MACROD2: variants seen among roughly 807,000 people sequenced by gnomAD.
MACROD2 encodes the protein ADP-ribose glycohydrolase MACROD2.
Under a neutral mutation model 70.4 loss-of-function variants are expected in MACROD2, and 36 were observed. The observed-to-expected ratio is 0.51, with a 90% CI of 0.39 to 0.68. The LOEUF (loss-of-function observed/expected upper bound fraction) is 0.68, where lower values mean the gene tolerates loss of function less well. Ranked by LOEUF, MACROD2 falls within the 30% of genes least tolerant of loss-of-function variation. The pLI is 0.00. For missense variants in MACROD2, 496 were observed against 538.4 expected, an observed-to-expected ratio of 0.92 and a Z score of 0.78; for synonymous variants, 172 against 178.8, an observed-to-expected ratio of 0.96 and a Z score of 0.30.
chr20:15,282,701 C>A (rs1600193313), intron 6 of MACROD2, among the ~76,000 whole-genome samples: 1 of 152,178 alleles, frequency 6.6e-6, no homozygotes, highest in African/African-American at 2.4e-5. Context: ...TTCAACAAGT[C>A]TCTAGGAAGT....
chr20:14,028,176 G>T (rs535377446), intron 2 of MACROD2, among the ~76,000 whole-genome samples: 6 of 152,170 alleles, frequency 3.9e-5, no homozygotes, highest in African/African-American at 1.4e-4. Flanking sequence ...AGTGGACTCC[G>T]CCTAGTTTGA....
chr20:14,630,270 G>T (rs1600478345), intron 4 of MACROD2, among the ~76,000 whole-genome samples: 1 of 152,136 alleles, frequency 6.6e-6, no homozygotes, highest in Admixed American at 6.5e-5. Context: ...GAAAAAGCAA[G>T]AGAAATTTTT....
At chr20:15,462,429 A>G (rs2046831703) in intron 7 of MACROD2, among the ~76,000 whole-genome samples, 1 of 152,220 alleles carries the variant, frequency 6.6e-6, no homozygotes. Context: ...GTAATTGCAA[A>G]TAACGTGTAA....
At chr20:14,972,101 A>C (rs888539405) in intron 5 of MACROD2, among the ~76,000 whole-genome samples, 1 of 152,226 alleles carries the variant, frequency 6.6e-6, no homozygotes, top group Non-Finnish European at 1.5e-5. Context: ...CTTAACTCCT[A>C]TATCACTGGT....
At chr20:14,953,838 A>T (rs2122738349) in intron 5 of MACROD2, among the ~76,000 whole-genome samples, 1 of 152,122 alleles carries the variant, frequency 6.6e-6, no homozygotes, top group East Asian at 1.9e-4. Flanking sequence ...AGTTCACTGA[A>T]CTCTCTTGTC....
At chr20:15,782,480 C>G (rs2051850256) in intron 8 of MACROD2, among the ~76,000 whole-genome samples, 1 of 151,938 alleles carries the variant, frequency 6.6e-6, no homozygotes, top group Non-Finnish European at 1.5e-5. Context: ...GCAAGAATGG[C>G]CTTTCTCCAA....
chr20:15,864,178 A>G (rs2064461554), intron 9 of MACROD2, among the ~76,000 whole-genome samples: 1 of 152,100 alleles, frequency 6.6e-6, no homozygotes, highest in Non-Finnish European at 1.5e-5. Context: ...TTAGTTGTTG[A>G]GACGAGTTGA....
In MACROD2 at chr20:14,537,061, C is replaced by T. The variant is rs79862157; in HGVS notation, c.301+43553C>T. 8.9e-3 allele frequency among the ~76,000 whole-genome samples: 1,349 copies of T among 152,278 alleles called. 17 individuals carry two copies. The highest frequency in any genetic ancestry group is 0.031 in the African/African-American group (1,300 of 41,538). On this transcript the variant is annotated intron_variant, in intron 4 of 17. Coordinates refer to ENST00000684519, the MANE Select transcript of MACROD2 (RefSeq NM_001351661.2). ...AGCCTAGAGCTCTCCCTACTCCCTC[C>T]AACCCCCTTCCTTCTGTTTTCTGTT...
At chr20:14,205,826 A>G (rs1010493436) in intron 3 of MACROD2, among the ~76,000 whole-genome samples, 4 of 152,234 alleles carry the variant, frequency 2.6e-5, no homozygotes, top group Admixed American at 6.5e-5. Context: ...CCTCTCTGCT[A>G]TAGATCTATT....
intron 2 of MACROD2, chr20:14,053,029 A>G (rs375442019): frequency 2.0e-5 from 3 of 151,726 alleles, no homozygotes; most frequent in East Asian, 3.9e-4. Flanking sequence ...TTCAGTGAAA[A>G]TAAGTAATGT....
At chr20:14,653,017 C>G (rs1364547124) in intron 4 of MACROD2, among the ~76,000 whole-genome samples, 1 of 152,144 alleles carries the variant, frequency 6.6e-6, no homozygotes, top group Non-Finnish European at 1.5e-5. Flanking sequence ...CGTGTATACC[C>G]TTGGTTAAGC....
intron 5 of MACROD2, among the ~76,000 whole-genome samples, chr20:14,993,307 G>A (rs1379417850): frequency 2.0e-5 from 3 of 151,658 alleles, no homozygotes; most frequent in African/African-American, 7.3e-5. Flanking sequence ...TGAGGGAGGG[G>A]TCTTTGATAT....
intron 3 of MACROD2, among the ~76,000 whole-genome samples, chr20:14,455,682 C>T (rs4813156): frequency 0.13 from 20,218 of 151,670 alleles, 1,642 homozygotes; most frequent in East Asian, 0.31. Context: ...TTCTTAACTT[C>T]ACTTGTCTAT....
intron 4 of MACROD2, among the ~76,000 whole-genome samples, chr20:14,653,536 T>C (rs1325390982): frequency 1.3e-5 from 2 of 151,480 alleles, no homozygotes; most frequent in Non-Finnish European, 2.9e-5. Context: ...TTTTTTTTTT[T>C]TAAGAGATGA....
intron 3 of MACROD2, among the ~76,000 whole-genome samples, chr20:14,106,005 G>C (rs1373739723): frequency 6.6e-6 from 1 of 152,228 alleles, no homozygotes; most frequent in African/African-American, 2.4e-5. Context: ...TGGGCTCTGA[G>C]ATGTGCTGGC....
intron 3 of MACROD2, among the ~76,000 whole-genome samples, chr20:14,344,193 G>T (rs1286089152): frequency 6.6e-6 from 1 of 152,124 alleles, no homozygotes; most frequent in African/African-American, 2.4e-5. Flanking sequence ...TATGGAAATT[G>T]CCCTTCATTG....
chr20:15,791,121 C>T (rs6110787), intron 8 of MACROD2, among the ~76,000 whole-genome samples: 3,463 of 151,938 alleles, frequency 0.023, 132 homozygotes, highest in African/African-American at 0.072. Context: ...TGTCACCTTC[C>T]TTTTGATTTC....
intron 6 of MACROD2, among the ~76,000 whole-genome samples, chr20:15,407,639 T>C (rs1229640521): frequency 6.6e-6 from 1 of 152,138 alleles, no homozygotes; most frequent in Admixed American, 6.5e-5. Context: ...TGACTGCCAC[T>C]CACTAGGCAC....
At chr20:14,783,261 G>A (rs78061317) in intron 5 of MACROD2, among the ~76,000 whole-genome samples, 3,947 of 152,190 alleles carry the variant, frequency 0.026, 197 homozygotes, top group African/African-American at 0.09. Context: ...CCTGCAAGAA[G>A]GTAGTTGTGT....
Sources: allele counts gnomAD v4.1 joint callset (sites outside exome capture counted in the v4.1 genomes callset), GRCh38; gene constraint gnomAD v4.1.1; transcripts MANE v1.5; gene names NCBI Gene and HGNC (gene_info 2026-07-23, HGNC 2026-07-21).